Variants in RANBP2 observed in about 807,000 individuals in gnomAD.
The protein encoded by RANBP2 is E3 SUMO-protein ligase RanBP2.
Under a neutral mutation model 303.6 loss-of-function variants are expected in RANBP2, and 57 were observed. The observed-to-expected ratio is 0.19, with a 90% CI of 0.15 to 0.23. The LOEUF (loss-of-function observed/expected upper bound fraction) is 0.23, where lower values mean the gene tolerates loss of function less well. Ranked by LOEUF, RANBP2 falls within the 10% of genes least tolerant of loss-of-function variation. RANBP2 has a pLI of 1.00. For missense variants in RANBP2, 3,138 were observed against 3,780.8 expected, an observed-to-expected ratio of 0.83 and a Z score of 4.46; for synonymous variants, 1,167 against 1,301.5, an observed-to-expected ratio of 0.90 and a Z score of 2.23.
At chr2:109,445,918 G>C in the RANBP2 span, among the ~76,000 whole-genome samples, 1 of 152,112 alleles carries the variant, frequency 6.6e-6, no homozygotes, top group African/African-American at 2.4e-5. Context: ...AGAATGAACT[G>C]AGTGAGGGCT....
the RANBP2 span, among the ~76,000 whole-genome samples, chr2:108,854,024 TTATA>T: frequency 9.3e-6 from 1 of 107,860 alleles, no homozygotes; most frequent in East Asian, 2.2e-4. Context: ...TATAATAAAT[TTATA>T]TTATATATAA....
At chr2:109,487,008 C>A in the RANBP2 span, among the ~76,000 whole-genome samples, 1 of 152,154 alleles carries the variant, frequency 6.6e-6, no homozygotes, top group African/African-American at 2.4e-5. Context: ...AGTGATCCCC[C>A]CAACAGAGAG....
chr2:109,462,993 T>C, the RANBP2 span, among the ~76,000 whole-genome samples: 1 of 152,228 alleles, frequency 6.6e-6, no homozygotes, highest in African/African-American at 2.4e-5. Flanking sequence ...TAGATCCCTT[T>C]GGGGAAGCCT....
chr2:109,198,493 A>ACCTG, the RANBP2 span, among the ~76,000 whole-genome samples: 3 of 152,296 alleles, frequency 2.0e-5, no homozygotes, highest in South Asian at 6.2e-4. Context: ...AGGCTGCTAT[A>ACCTG]ACAAAATACC....
chr2:109,116,074 C>A, the RANBP2 span, among the ~76,000 whole-genome samples: 1 of 152,174 alleles, frequency 6.6e-6, no homozygotes, highest in Non-Finnish European at 1.5e-5. Flanking sequence ...TTTTTTCCTT[C>A]ATTTCAACTT....
the RANBP2 span, among the ~76,000 whole-genome samples, chr2:109,400,941 C>T: frequency 6.6e-6 from 1 of 152,236 alleles, no homozygotes; most frequent in Non-Finnish European, 1.5e-5. Flanking sequence ...CCTAACTCCA[C>T]TCCTGACCTG....
At chr2:109,357,694 T>C in the RANBP2 span, among the ~76,000 whole-genome samples, 2 of 152,244 alleles carry the variant, frequency 1.3e-5, no homozygotes, top group Non-Finnish European at 2.9e-5. Flanking sequence ...CCCATGTTGT[T>C]GTAGGGCACT....
At chr2:109,625,046 A>T in the RANBP2 span, among the ~76,000 whole-genome samples, 1 of 144,704 alleles carries the variant, frequency 6.9e-6, no homozygotes, top group Middle Eastern at 3.8e-3. Context: ...GCACCACTGC[A>T]CTCCAGCCCT....
chr2:109,520,952 G>A, the RANBP2 span, among the ~76,000 whole-genome samples: 6 of 149,524 alleles, frequency 4.0e-5, no homozygotes, highest in Non-Finnish European at 8.9e-5. Flanking sequence ...AAAAAAGGCC[G>A]GGCGCGGTGG....
chr2:108,814,941 A>G, the RANBP2 span, among the ~76,000 whole-genome samples: 3 of 152,070 alleles, frequency 2.0e-5, no homozygotes, highest in African/African-American at 7.2e-5. Flanking sequence ...TGGCCTGCAG[A>G]TTTTTAAAAA....
At chr2:109,246,940 TGAG>T in the RANBP2 span, among the ~76,000 whole-genome samples, 7 of 152,178 alleles carry the variant, frequency 4.6e-5, no homozygotes, top group African/African-American at 1.2e-4. Flanking sequence ...AGCTCAGCCT[TGAG>T]GAGGCGTTCC....
chr2:109,345,220 A>G, the RANBP2 span, among the ~76,000 whole-genome samples: 2 of 152,074 alleles, frequency 1.3e-5, no homozygotes, highest in Admixed American at 1.3e-4. Flanking sequence ...CCGCAGTTAC[A>G]CAATGTGGGT....
chr2:109,286,953 T>G, the RANBP2 span, among the ~76,000 whole-genome samples: 3 of 152,294 alleles, frequency 2.0e-5, no homozygotes, highest in East Asian at 5.8e-4. Flanking sequence ...CCTGCCCAGG[T>G]GGTTCCGCCA....
chr2:109,545,454 C>G, the RANBP2 span: 1 of 1,536,160 alleles, frequency 6.5e-7, no homozygotes, highest in South Asian at 1.2e-5. Context: ...CTGTGGCCCT[C>G]TCTACCTTTC....
At chr2:109,529,005 T>A in the RANBP2 span, among the ~76,000 whole-genome samples, 1 of 152,168 alleles carries the variant, frequency 6.6e-6, no homozygotes, top group African/African-American at 2.4e-5. Context: ...CTTCCTCCAC[T>A]ATAGGATAAG....
chr2:108,788,499 C>T (rs927355962), downstream of RANBP2, among the ~76,000 whole-genome samples: 1 of 151,568 alleles, frequency 6.6e-6, no homozygotes, highest in South Asian at 2.1e-4. Flanking sequence ...GGGCGGATCA[C>T]GAGGTCAGGA....
At chr2:109,365,891 T>G in the RANBP2 span, among the ~76,000 whole-genome samples, 1 of 152,232 alleles carries the variant, frequency 6.6e-6, no homozygotes, top group Admixed American at 6.5e-5. Flanking sequence ...GAAAAGTATA[T>G]TTTTGATATT....
At position 108,783,966 on chromosome 2, in the gene RANBP2, A is replaced by G. The variant is rs1678436971; in HGVS notation, c.*65A>G. ...GTTGGATTGAAGCTTAGCTATTACA[A>G]TTTGATAGTTATGTTCAGCTTTTGA... On this transcript the variant is annotated 3_prime_UTR_variant, in exon 29 of 29. Transcript: ENST00000283195. 4 of 1,444,350 alleles carry G rather than the reference A, an allele frequency of 2.8e-6. No individual in the cohort carries two copies. Among genetic ancestry groups the G allele is most frequent in the Middle Eastern group, 2.1e-4 (1 of 4,854 alleles). The allele number at this position is 1,444,350 out of a possible 1,614,324, so 89.5% of individuals were successfully genotyped here.
chr2:109,210,896 A>G, the RANBP2 span, among the ~76,000 whole-genome samples: 1 of 151,438 alleles, frequency 6.6e-6, no homozygotes, highest in Non-Finnish European at 1.5e-5. Flanking sequence ...GGAAAACACA[A>G]CCCCACTTGA....
Sources: gnomAD v4.1 joint callset for allele counts (sites outside exome capture counted in the v4.1 genomes callset) on GRCh38, gnomAD v4.1.1 for gene constraint, MANE v1.5 for transcripts, NCBI Gene and HGNC (gene_info 2026-07-23, HGNC 2026-07-21) for gene names.